SEPTIN4: variants seen among roughly 807,000 people sequenced by gnomAD.
SEPTIN4 encodes the protein septin-4.
Under a neutral mutation model 107.1 loss-of-function variants are expected in SEPTIN4, and 52 were observed. The observed-to-expected ratio is 0.49, with a 90% CI of 0.39 to 0.61. The LOEUF (loss-of-function observed/expected upper bound fraction) is 0.61. Ranked by LOEUF, SEPTIN4 falls within the 20% of genes least tolerant of loss-of-function variation. The pLI, the probability that SEPTIN4 is intolerant of heterozygous loss-of-function variation, is 0.00. For synonymous variants in SEPTIN4, 417 were observed against 467.0 expected (o/e 0.89, Z 1.38); for missense variants, 1,048 against 1,243.5 (o/e 0.84, Z 2.36).
chr17:58,539,238 T>C (rs1375558731), intron 3 of SEPTIN4: 8 of 1,435,200 alleles, frequency 5.6e-6, no homozygotes, highest in Non-Finnish European at 6.5e-6. Context: ...ATAAGAGCTA[T>C]TTTAGGAAGG....
Position 58,521,387 on chromosome 17 carries a change from T to C in SEPTIN4, c.2572-37A>G. ...TAGGGGTGCCTGTCAGCACCCTCTG[T>C]TCTCACCTCTTTCTTTCCACCTGTA... On this transcript the variant is annotated intron_variant, in intron 10 of 13. Coordinates refer to ENST00000672673, the MANE Select transcript of SEPTIN4 (RefSeq NM_001368771.2). This position sits in a 1 kb window ranked among gnomAD's most constrained non-coding sequence, Gnocchi z 6.4. 6.3e-7 allele frequency: 1 copy of C among 1,593,722 alleles called. No homozygotes were observed. The highest frequency in any genetic ancestry group is 8.6e-7 in the Non-Finnish European group (1 of 1,161,444).
chr17:58,543,497 G>A lies in SEPTIN4; in HGVS notation c.690C>T (p.Ser230=). The A allele has an allele frequency of 2.5e-6, 4 of 1,614,230 alleles. No individual in the cohort carries two copies. The highest frequency in any genetic ancestry group is 3.4e-6 in the Non-Finnish European group (4 of 1,180,048). Residue 230 remains serine (S), a synonymous_variant, in exon 1 of 14, where the codon AGC becomes AGT. Transcript: ENST00000672673. ...RSPSLLEHGS[S]CVSADYQTAQ... Reference sequence around the variant, plus strand: ...CTGTCTGATAGTCTGCAGAGACACAGCTGCTTCCGTGCTCTAGGAGAGAGG... The same window carrying A: ...CTGTCTGATAGTCTGCAGAGACACAACTGCTTCCGTGCTCTAGGAGAGAGG...
In SEPTIN4 at chr17:58,543,845, G is replaced by A. The variant is rs1598325411; in HGVS notation, c.342C>T (p.Ser114=). ...LKSQKTQTLA[S]HASSRQWKVS... ...CTTTCCATTGTCTGCTTGAAGCATG[G>A]GAAGCCAGTGTCTGAGTCTTCTGGC... Residue 114 remains serine, a synonymous_variant, in exon 1 of 14, where the codon TCC becomes TCT. Transcript: ENST00000672673. 6.2e-7 allele frequency: 1 copy of A among 1,614,144 alleles called. No individual in the cohort carries two copies. Among genetic ancestry groups the A allele is most frequent in the Non-Finnish European group, 8.5e-7 (1 of 1,180,028 alleles).
At chr17:58,524,231 G>C (rs375665562) in intron 7 of SEPTIN4, among the ~76,000 whole-genome samples, 1 of 152,130 alleles carries the variant, frequency 6.6e-6, no homozygotes, top group East Asian at 1.9e-4. Flanking sequence ...CAGACCTACT[G>C]ACCATTAGCT....
Position 58,520,500 on chromosome 17 carries a change from G to A in SEPTIN4, c.2932-15C>T. 6.2e-7 allele frequency: 1 copy of A among 1,613,628 alleles called. No homozygotes were observed. Among genetic ancestry groups the A allele is most frequent in the East Asian group, 2.2e-5 (1 of 44,884 alleles). On this transcript the variant is annotated splice_polypyrimidine_tract_variant and intron_variant, in intron 13 of 13. Coordinates refer to ENST00000672673, the MANE Select transcript of SEPTIN4 (RefSeq NM_001368771.2). ...ATCCGCCGCAGCTGGAATAGGCACA[G>A]GCATCAAAATGGGGACTTTTGGAGA...
chr17:58,529,574 C>T (rs928028629), intron 3 of SEPTIN4, among the ~76,000 whole-genome samples: 1 of 152,170 alleles, frequency 6.6e-6, no homozygotes, highest in Non-Finnish European at 1.5e-5. Flanking sequence ...CTCCTGTTAA[C>T]CCCCAAGGAC....
At chr17:58,527,138 T>C in intron 3 of SEPTIN4, 160 bp from the exon 4 acceptor site, 2 of 1,194,806 alleles carry the variant, frequency 1.7e-6, no homozygotes, top group Non-Finnish European at 2.5e-6. Flanking sequence ...GAGGAAGTGC[T>C]CACCATCCCT....
intron 2 of SEPTIN4, chr17:58,541,604 T>G: frequency 3.5e-6 from 2 of 578,022 alleles, no homozygotes; most frequent in South Asian, 2.6e-5. Flanking sequence ...GCGGTTTGCT[T>G]TGGTGTATTT....
Position 58,538,645 on chromosome 17 carries a change from C to A in SEPTIN4, c.1614+2021G>T, listed in dbSNP as rs2043795015. ...TGCTAGTTCTGATCCCCAAAAAAAA[C>A]CCATCAGGAATGCTTCCCTTAGTCC... is the stretch of plus-strand genomic sequence containing the variant. On this transcript the variant is annotated intron_variant, in intron 3 of 13. Coordinates refer to ENST00000672673, the MANE Select transcript of SEPTIN4 (RefSeq NM_001368771.2). This position sits in a 1 kb window ranked among gnomAD's most constrained non-coding sequence, Gnocchi z 4.7. 6.6e-6 allele frequency among the ~76,000 whole-genome samples: 1 copy of A among 152,020 alleles called. No homozygotes were observed. The highest frequency in any genetic ancestry group is 1.5e-5 in the Non-Finnish European group (1 of 67,982).
In SEPTIN4 at chr17:58,543,201, C is replaced by T. The variant is rs2144274125; in HGVS notation, c.986G>A (p.Ser329Asn). ...GATGGTGACCCTGCGGCCAACCTCG[C>T]TGTTTCCTCGGATTGGGGTCCTCAC... ...SNVRTPIRGN[S>N]EVGRRVTISP... Residue 329 changes from serine (S) to asparagine (N), a missense_variant, in exon 1 of 14, where the codon AGC becomes AAC. Coordinates refer to ENST00000672673, the MANE Select transcript of SEPTIN4 (RefSeq NM_001368771.2). 1 of 1,614,124 alleles carries T rather than the reference C, an allele frequency of 6.2e-7. No homozygotes were observed. Among genetic ancestry groups the T allele is most frequent in the Non-Finnish European group, 8.5e-7 (1 of 1,180,020 alleles).
At position 58,522,041 on chromosome 17, in the gene SEPTIN4, A is replaced by G; in HGVS notation, c.2277T>C (p.Ser759=). 1.9e-6 allele frequency: 3 copies of G among 1,614,026 alleles called. No homozygotes were observed. Among genetic ancestry groups the G allele is most frequent in the Non-Finnish European group, 2.5e-6 (3 of 1,180,008 alleles). ...CTTGGATGTTCTTTCGGTTCAGGCC[A>G]CTCTCGTCTCGGAAATACTGCTCAA... ...QQFEQYFRDE[S]GLNRKNIQDN... is the part of the protein sequence containing the mutation. The change falls in exon 8 of 14, where the codon AGT becomes AGC. Residue 759 remains serine, a synonymous_variant. Transcript: ENST00000672673.
intron 3 of SEPTIN4, among the ~76,000 whole-genome samples, chr17:58,537,362 T>C (rs1230038444): frequency 6.6e-6 from 1 of 152,184 alleles, no homozygotes; most frequent in Non-Finnish European, 1.5e-5. Flanking sequence ...CAAACCCTGA[T>C]GAGTTGGTCA....
In SEPTIN4 at chr17:58,543,038, A is replaced by G. The variant is rs2043924477; in HGVS notation, c.1149T>C (p.Thr383=). The part of the protein sequence containing the change: ...KQQTQKPPEI[T]YMSQGPTPRY... ...TGGGTGTAGGTCCTTGGGACATGTA[A>G]GTAATTTCTGGGGGTTTTTGGGTTT... The change falls in exon 1 of 14, where the codon ACT becomes ACC. Residue 383 remains threonine (T), a synonymous_variant. Coordinates refer to ENST00000672673, the MANE Select transcript of SEPTIN4 (RefSeq NM_001368771.2). The G allele has an allele frequency of 6.2e-7, 1 of 1,610,400 alleles. No individual in the cohort carries two copies. The highest frequency in any genetic ancestry group is 8.5e-7 in the Non-Finnish European group (1 of 1,178,562).
intron 3 of SEPTIN4, among the ~76,000 whole-genome samples, chr17:58,537,216 G>A (rs1483735986): frequency 6.6e-6 from 1 of 152,246 alleles, no homozygotes; most frequent in Non-Finnish European, 1.5e-5. Flanking sequence ...TGTGAAGCCA[G>A]GACATTGTTC....
At chr17:58,541,626 G>A (rs1013257626) in intron 2 of SEPTIN4, 3 of 700,974 alleles carry the variant, frequency 4.3e-6, no homozygotes, top group South Asian at 2.3e-5. Flanking sequence ...TTAAAATCAT[G>A]TGATAGATGA....
intron 3 of SEPTIN4, chr17:58,531,605 G>A (rs1647566741): frequency 6.0e-6 from 1 of 166,736 alleles, no homozygotes; most frequent in Admixed American, 6.3e-5. Flanking sequence ...AGCTGACCCA[G>A]GCGAGGATGG....
rs796922527 is a variant in SEPTIN4 at position 58,540,727 on chromosome 17, A to G, written c.1607-54T>C. 4.5e-6 allele frequency: 6 copies of G among 1,322,718 alleles called. No homozygotes were observed. The African/African-American group carries it at 9.2e-5, about 20-fold the overall frequency. 81.9% of individuals were successfully genotyped at this position (1,322,718 alleles called of 1,614,324 possible). A position where few individuals can be genotyped will look rare whatever the true frequency, so the allele number is the denominator to read the frequency against. ...TCCCAGGGGGCAGCAAATGGAATTC[A>G]GAGAGTGCCAATAGGAGGAGAAAAA... On this transcript the variant is annotated intron_variant, in intron 2 of 13. Transcript: ENST00000672673.
intron 7 of SEPTIN4, among the ~76,000 whole-genome samples, chr17:58,523,187 C>T (rs1337443355): frequency 6.6e-6 from 1 of 152,124 alleles, no homozygotes; most frequent in South Asian, 2.1e-4. Context: ...GACTGGGCAA[C>T]ATAGCGAGAC....
At chr17:58,539,176 G>A in intron 3 of SEPTIN4, 1 of 1,534,460 alleles carries the variant, frequency 6.5e-7, no homozygotes, top group Non-Finnish European at 8.7e-7. Flanking sequence ...TGGCTTCTGG[G>A]GAGCAGCTCT....
Sources: gnomAD v4.1 joint callset for allele counts (sites outside exome capture counted in the v4.1 genomes callset) on GRCh38, gnomAD v4.1.1 for gene constraint, Gnocchi (gnomAD v3.1) non-coding constraint, MANE v1.5 for transcripts, NCBI Gene and HGNC (gene_info 2026-07-23, HGNC 2026-07-21) for gene names.